NAALADL2: variants seen among roughly 807,000 people sequenced by gnomAD.
The protein encoded by NAALADL2 is inactive N-acetylated-alpha-linked acidic dipeptidase-like protein 2.
Under a neutral mutation model 87.2 loss-of-function variants are expected in NAALADL2, and 76 were observed. The ratio of observed to expected loss-of-function variants is 0.87; its 90% CI spans 0.72 to 1.05. NAALADL2 has a LOEUF of 1.05. NAALADL2 is among the 50% of genes least tolerant of loss of function. NAALADL2 has a pLI of 0.00. For synonymous variants in NAALADL2, 354 were observed against 331.0 expected, an observed-to-expected ratio of 1.07 and a Z score of -0.75; for missense variants, 1,089 against 945.8, an observed-to-expected ratio of 1.15 and a Z score of -1.99.
chr3:175,315,251 C>T (rs760265055), intron 4 of NAALADL2, among the ~76,000 whole-genome samples: 5 of 152,102 alleles, frequency 3.3e-5, no homozygotes, highest in Admixed American at 6.6e-5. Context: ...GGGATGTTAG[C>T]ACCCATGAAA....
At position 174,656,946 on chromosome 3, in the gene NAALADL2, CT is replaced by C. The variant is rs564118863; in HGVS notation, c.-114-80692del. 4.0e-5 allele frequency among the ~76,000 whole-genome samples: 6 copies of C among 151,890 alleles called. No individual in the cohort carries two copies. The South Asian group carries it at 1.2e-3, about 32-fold the overall frequency. ...TAGGATAAATCTCAAACATCATATG[CT>C]TTCATTCATAAACTTAAGAGATAAG... On this transcript the variant is annotated intron_variant, in intron 2 of 3. Transcript: ENST00000434257.
At chr3:175,556,637 T>C (rs144367358) in intron 9 of NAALADL2, among the ~76,000 whole-genome samples, 1 of 152,090 alleles carries the variant, frequency 6.6e-6, no homozygotes, top group East Asian at 1.9e-4. Flanking sequence ...GCCAAATATA[T>C]AACAAAAAAA....
intron 1 of NAALADL2, among the ~76,000 whole-genome samples, chr3:174,860,829 TTTTCTC>T (rs1726398517): frequency 6.6e-6 from 1 of 152,086 alleles, no homozygotes; most frequent in South Asian, 2.1e-4. Context: ...GTTTCTTTCT[TTTTCTC>T]TGGTGCTTTT....
intron 2 of NAALADL2, chr3:174,551,382 CA>C (rs1217444940): frequency 2.0e-5 from 3 of 152,158 alleles, no homozygotes; most frequent in Non-Finnish European, 2.9e-5. Flanking sequence ...GGACTTTGTA[CA>C]TATTCCTCAC....
intron 4 of NAALADL2, among the ~76,000 whole-genome samples, chr3:175,322,019 C>G (rs566182464): frequency 6.6e-6 from 1 of 151,834 alleles, no homozygotes; most frequent in East Asian, 1.9e-4. Flanking sequence ...AAAAAGAGCC[C>G]GCATCACCAA....
chr3:174,875,797 G>A (rs1020601754), intron 1 of NAALADL2, among the ~76,000 whole-genome samples: 1 of 151,336 alleles, frequency 6.6e-6, no homozygotes, highest in Non-Finnish European at 1.5e-5. Flanking sequence ...ATATCTTGCT[G>A]GTAACGATTA....
chr3:175,025,600 C>T (rs931798108), intron 1 of NAALADL2, among the ~76,000 whole-genome samples: 8 of 152,058 alleles, frequency 5.3e-5, no homozygotes, highest in African/African-American at 1.7e-4. Context: ...TATTTCCAAA[C>T]TTTGTCATGA....
intron 2 of NAALADL2, among the ~76,000 whole-genome samples, chr3:174,686,715 G>T (rs1273803517): frequency 6.6e-6 from 1 of 152,048 alleles, no homozygotes; most frequent in Non-Finnish European, 1.5e-5. Flanking sequence ...TCAATAAATG[G>T]TGCTGGGATA....
At chr3:175,766,821 G>A (rs1468202720) in intron 13 of NAALADL2, among the ~76,000 whole-genome samples, 1 of 152,092 alleles carries the variant, frequency 6.6e-6, no homozygotes, top group Non-Finnish European at 1.5e-5. Flanking sequence ...TTTAGGAGAT[G>A]AAATGCTCAG....
chr3:175,653,772 T>C (rs1222835541), intron 11 of NAALADL2, among the ~76,000 whole-genome samples: 1 of 152,174 alleles, frequency 6.6e-6, no homozygotes, highest in African/African-American at 2.4e-5. Context: ...TGAGGTTCTC[T>C]CTTTGGGGTT....
At chr3:174,495,765 A>G (rs1365776466) in intron 1 of NAALADL2, among the ~76,000 whole-genome samples, 2 of 152,186 alleles carry the variant, frequency 1.3e-5, no homozygotes, top group Non-Finnish European at 2.9e-5. Context: ...CAAAAATGAA[A>G]AAAATAGCTG....
At chr3:175,015,849 A>G (rs1176057286) in intron 1 of NAALADL2, among the ~76,000 whole-genome samples, 8 of 152,074 alleles carry the variant, frequency 5.3e-5, no homozygotes, top group Admixed American at 2.6e-4. Flanking sequence ...ATGAGGGTCT[A>G]TGTGTTTTAA....
intron 2 of NAALADL2, among the ~76,000 whole-genome samples, chr3:174,704,346 C>G (rs533190306): frequency 7.9e-4 from 120 of 152,180 alleles, no homozygotes; most frequent in African/African-American, 2.7e-3. Context: ...ATCAGTATGA[C>G]AAGGGGTTTC....
At position 175,467,071 on chromosome 3, in the gene NAALADL2, A is replaced by G. The variant is rs1724167910; in HGVS notation, c.1420A>G (p.Ile474Val). ...TAGTACTGCAATAATCACAGCGTTT[A>G]TCCGTGCCTTGATGTCAAAAGTTAA... ...ASSTAIITAF[I>V]RALMSKVKRG... Residue 474 changes from isoleucine to valine, a missense_variant, in exon 8 of 14, where the codon ATC becomes GTC. Physicochemically the swap from Ile to Val is conservative, Grantham distance 29. Transcript: ENST00000454872. 1 of 1,613,906 alleles carries G rather than the reference A, an allele frequency of 6.2e-7. No homozygotes were observed. Among genetic ancestry groups the G allele is most frequent in the Non-Finnish European group, 8.5e-7 (1 of 1,179,826 alleles).
At chr3:174,611,763 G>C (rs1013360055) in intron 2 of NAALADL2, among the ~76,000 whole-genome samples, 1 of 150,228 alleles carries the variant, frequency 6.7e-6, no homozygotes, top group Non-Finnish European at 1.5e-5. Flanking sequence ...GCTAATTTTT[G>C]TATTTTTTTT....
At chr3:174,632,871 G>A (rs1356971529) in intron 2 of NAALADL2, among the ~76,000 whole-genome samples, 9 of 145,122 alleles carry the variant, frequency 6.2e-5, no homozygotes, top group Non-Finnish European at 1.2e-4. Context: ...GGAGGTGGAG[G>A]TTGCAGTGAG....
intron 5 of NAALADL2, among the ~76,000 whole-genome samples, chr3:175,330,320 T>C (rs1761247247): frequency 6.6e-6 from 1 of 152,112 alleles, no homozygotes; most frequent in Non-Finnish European, 1.5e-5. Flanking sequence ...TGCAGATGCC[T>C]TTGGTCCCAG....
At chr3:175,316,580 A>G (rs961069968) in intron 4 of NAALADL2, among the ~76,000 whole-genome samples, 12 of 152,198 alleles carry the variant, frequency 7.9e-5, no homozygotes, top group African/African-American at 1.9e-4. Flanking sequence ...ATCTTAAGCT[A>G]TCTCAAACCC....
intron 9 of NAALADL2, among the ~76,000 whole-genome samples, chr3:175,562,386 A>T (rs1458982032): frequency 6.6e-6 from 1 of 152,068 alleles, no homozygotes; most frequent in Non-Finnish European, 1.5e-5. Context: ...AATGTATTTT[A>T]TGTATTATGT....
Sources: gnomAD v4.1 joint callset for allele counts (sites outside exome capture counted in the v4.1 genomes callset) on GRCh38, gnomAD v4.1.1 for gene constraint, MANE v1.5 for transcripts, NCBI Gene and HGNC (gene_info 2026-07-23, HGNC 2026-07-21) for gene names.